The following VKORC1L1 variants were observed in gnomAD, a reference collection of about 807,000 sequenced individuals.
VKORC1L1 encodes vitamin K epoxide reductase complex subunit 1L1.
Under a neutral mutation model 18.9 loss-of-function variants are expected in VKORC1L1, and 2 were observed. The ratio of observed to expected loss-of-function variants is 0.11; its 90% confidence interval spans 0.04 to 0.33. The LOEUF is 0.33. Among genes scored for constraint, VKORC1L1 ranks in the 10% least tolerant of loss-of-function variants. VKORC1L1 has a pLI of 1.00. For synonymous variants in VKORC1L1, 96 were observed against 100.0 expected (o/e 0.96, Z 0.24); for missense variants, 123 against 224.1 (o/e 0.55, Z 2.88).
intron 1 of VKORC1L1, among the ~76,000 whole-genome samples, chr7:65,914,424 G>T (rs144250466): frequency 6.6e-6 from 1 of 152,070 alleles, no homozygotes; most frequent in African/African-American, 2.4e-5. Context: ...TTTTGCCACT[G>T]TCTCTCCTAT....
chr7:65,885,748 TG>T lies in VKORC1L1; in HGVS notation c.194+12184del, dbSNP rs1054429976. Among the ~76,000 whole-genome samples the T allele has an allele frequency of 1.6e-4, 25 of 152,226 alleles. 1 individual carries two copies. Among genetic ancestry groups the T allele is most frequent in the African/African-American group, 5.8e-4 (24 of 41,556 alleles). ...TCTGTTCCAGTGACAGGTCGGTCTGTGTTTATTCCATTACCACCCCTCCCCC... is the reference window on the plus strand; with the variant it reads ...TCTGTTCCAGTGACAGGTCGGTCTGTTTTATTCCATTACCACCCCTCCCCC... On this transcript the variant is annotated intron_variant, in intron 1 of 2. Coordinates refer to ENST00000360768, the MANE Select transcript of VKORC1L1 (RefSeq NM_173517.6).
intron 1 of VKORC1L1, among the ~76,000 whole-genome samples, chr7:65,931,214 T>C (rs1339123685): frequency 6.6e-6 from 1 of 152,092 alleles, no homozygotes; most frequent in Non-Finnish European, 1.5e-5. Context: ...TTTTAATGCT[T>C]TTATATGGTT....
chr7:65,924,312 T>C (rs1442233303), intron 1 of VKORC1L1, among the ~76,000 whole-genome samples: 1 of 152,186 alleles, frequency 6.6e-6, no homozygotes, highest in Non-Finnish European at 1.5e-5. Flanking sequence ...TAGTGGCCAA[T>C]CAGCCACTTA....
intron 1 of VKORC1L1, among the ~76,000 whole-genome samples, chr7:65,929,368 C>T (rs886099227): frequency 2.6e-5 from 4 of 151,990 alleles, no homozygotes; most frequent in Non-Finnish European, 5.9e-5. Flanking sequence ...GCCGAGATCG[C>T]GCCACTGCAC....
At chr7:65,902,960 G>A (rs1479878860) in intron 1 of VKORC1L1, among the ~76,000 whole-genome samples, 4 of 151,870 alleles carry the variant, frequency 2.6e-5, no homozygotes, top group South Asian at 2.1e-4. Context: ...TCCGCCTCCC[G>A]GGTTCAAGTG....
At chr7:65,939,410 T>C (rs1156404702) in intron 1 of VKORC1L1, among the ~76,000 whole-genome samples, 1 of 152,042 alleles carries the variant, frequency 6.6e-6, no homozygotes, top group Non-Finnish European at 1.5e-5. Context: ...ATGATGGTGG[T>C]GGATATGGTG....
At chr7:65,878,908 A>G (rs1583820034) in intron 1 of VKORC1L1, among the ~76,000 whole-genome samples, 1 of 151,578 alleles carries the variant, frequency 6.6e-6, no homozygotes, top group East Asian at 1.9e-4. Context: ...ACTCTGTCTC[A>G]AAAAAAAAGA....
At chr7:65,913,807 A>G (rs184265959) in intron 1 of VKORC1L1, among the ~76,000 whole-genome samples, 5 of 151,096 alleles carry the variant, frequency 3.3e-5, no homozygotes, top group Admixed American at 6.6e-5. Flanking sequence ...GAACATTCAG[A>G]GGTCTGATTG....
chr7:65,950,763 TGAAAA>T (rs1790199705), intron 2 of VKORC1L1, among the ~76,000 whole-genome samples: 2 of 152,226 alleles, frequency 1.3e-5, no homozygotes, highest in East Asian at 3.8e-4. Context: ...CACTATTTAG[TGAAAA>T]AAGCAAATTT....
intron 1 of VKORC1L1, among the ~76,000 whole-genome samples, chr7:65,879,678 C>T (rs1788892948): frequency 6.6e-6 from 1 of 151,450 alleles, no homozygotes; most frequent in Non-Finnish European, 1.5e-5. Context: ...TCCCTCCCAC[C>T]CTCCTTCTTC....
chr7:65,914,574 A>G (rs62470894), intron 1 of VKORC1L1, among the ~76,000 whole-genome samples: 5,731 of 152,272 alleles, frequency 0.038, 166 homozygotes, highest in East Asian at 0.097. Flanking sequence ...CTCACAGCCC[A>G]TATACCATGG....
At chr7:65,899,863 G>A (rs200974470) in intron 1 of VKORC1L1, among the ~76,000 whole-genome samples, 2 of 152,110 alleles carry the variant, frequency 1.3e-5, no homozygotes, top group Non-Finnish European at 2.9e-5. Flanking sequence ...AGCCAGGCGT[G>A]GTGGTACATG....
intron 1 of VKORC1L1, among the ~76,000 whole-genome samples, chr7:65,924,893 C>G (rs1789734969): frequency 6.6e-6 from 1 of 152,134 alleles, no homozygotes; most frequent in Non-Finnish European, 1.5e-5. Flanking sequence ...TTCTCCTGTA[C>G]CTTCCTGTTA....
intron 1 of VKORC1L1, among the ~76,000 whole-genome samples, chr7:65,884,503 A>G (rs189700235): frequency 1.2e-3 from 185 of 152,220 alleles, no homozygotes; most frequent in Middle Eastern, 3.4e-3. Flanking sequence ...TAGGCATGGT[A>G]ATTCACACTG....
At chr7:65,875,481 G>A (rs1447105748) in intron 1 of VKORC1L1, among the ~76,000 whole-genome samples, 1 of 151,824 alleles carries the variant, frequency 6.6e-6, no homozygotes, top group Admixed American at 6.6e-5. Flanking sequence ...GCAGTGGTGC[G>A]ATCTCGACTC....
At chr7:65,918,639 A>G (rs1789626692) in intron 1 of VKORC1L1, among the ~76,000 whole-genome samples, 1 of 152,210 alleles carries the variant, frequency 6.6e-6, no homozygotes, top group Non-Finnish European at 1.5e-5. Flanking sequence ...TTCTTGCTTC[A>G]GTGCAGGTAA....
intron 1 of VKORC1L1, among the ~76,000 whole-genome samples, chr7:65,908,397 A>G (rs1789442274): frequency 6.6e-6 from 1 of 152,198 alleles, no homozygotes; most frequent in South Asian, 2.1e-4. Context: ...TGGGTGACAG[A>G]GCAAGACTCC....
At chr7:65,872,591 G>A (rs1788739872), upstream of VKORC1L1, among the ~76,000 whole-genome samples, 1 of 152,164 alleles carries the variant, frequency 6.6e-6, no homozygotes, top group African/African-American at 2.4e-5. Flanking sequence ...GCCTCCCAAA[G>A]TGTTGGGATT....
At chr7:65,941,336 G>A (rs1005174427) in intron 1 of VKORC1L1, among the ~76,000 whole-genome samples, 2 of 151,934 alleles carry the variant, frequency 1.3e-5, no homozygotes, top group Non-Finnish European at 2.9e-5. Context: ...GGCTGATCTT[G>A]AACTCCTGGG....
Sources: allele counts gnomAD v4.1 joint callset (sites outside exome capture counted in the v4.1 genomes callset), GRCh38; gene constraint gnomAD v4.1.1; transcripts MANE v1.5; gene names NCBI Gene and HGNC (gene_info 2026-07-23, HGNC 2026-07-21).